The following LHFPL3 variants were observed in gnomAD, a reference collection of about 807,000 sequenced individuals.
The protein encoded by LHFPL3 is LHFPL tetraspan subfamily member 3, also known as LHFPL tetraspan subfamily member 3 protein.
In LHFPL3, 5 loss-of-function variants were observed where a neutral mutation model predicts 19.3. The observed-to-expected ratio is 0.26, with a 90% confidence interval of 0.14 to 0.54. LHFPL3 has a LOEUF of 0.54. Ranked by LOEUF, LHFPL3 falls within the 20% of genes least tolerant of loss-of-function variation. The pLI, the probability that LHFPL3 is intolerant of heterozygous loss-of-function variation, is 0.94. For missense variants in LHFPL3, 249 were observed against 307.4 expected (o/e 0.81, Z 1.42); for synonymous variants, 133 against 126.2 (o/e 1.05, Z -0.36).
chr7:104,570,228 G>A (rs1790207697), intron 1 of LHFPL3, among the ~76,000 whole-genome samples: 1 of 152,136 alleles, frequency 6.6e-6, no homozygotes, highest in African/African-American at 2.4e-5. Context: ...TCCATCTTTT[G>A]CCTGCTCTTG....
chr7:104,333,850 T>C (rs1342222327), intron 1 of LHFPL3, among the ~76,000 whole-genome samples: 1 of 152,242 alleles, frequency 6.6e-6, no homozygotes, highest in Non-Finnish European at 1.5e-5. Context: ...CTTGACTGTT[T>C]TTCTTTGTAC....
intron 2 of LHFPL3, among the ~76,000 whole-genome samples, chr7:104,830,161 C>T (rs1790922983): frequency 6.6e-6 from 1 of 151,832 alleles, no homozygotes; most frequent in African/African-American, 2.4e-5. Flanking sequence ...ATCCTTTGCC[C>T]ACTTTTTGAT....
At chr7:104,881,149 A>G (rs886494404) in intron 2 of LHFPL3, among the ~76,000 whole-genome samples, 12 of 147,908 alleles carry the variant, frequency 8.1e-5, no homozygotes, top group East Asian at 2.0e-4. Context: ...CAGCCTGGGC[A>G]ACAGAGTGAG....
intron 1 of LHFPL3, among the ~76,000 whole-genome samples, chr7:104,680,397 C>A (rs568733440): frequency 6.6e-6 from 1 of 152,282 alleles, no homozygotes; most frequent in African/African-American, 2.4e-5. Context: ...GCCCTCTAGG[C>A]TGCAGGAAAA....
At chr7:104,672,211 G>A (rs1021843638) in intron 1 of LHFPL3, among the ~76,000 whole-genome samples, 5 of 152,048 alleles carry the variant, frequency 3.3e-5, no homozygotes, top group African/African-American at 1.2e-4. Flanking sequence ...TTTCCTGGCT[G>A]CATCCCTTTT....
chr7:104,452,844 T>TA (rs1397785356), intron 1 of LHFPL3, among the ~76,000 whole-genome samples: 3 of 152,146 alleles, frequency 2.0e-5, no homozygotes, highest in Admixed American at 6.6e-5. Context: ...GTAAACAACT[T>TA]AAAAGTCCAT....
At chr7:104,430,391 TATATATATATATACATATATATATATAC>T (rs1562895044) in intron 1 of LHFPL3, among the ~76,000 whole-genome samples, 5 of 51,056 alleles carry the variant, frequency 9.8e-5, no homozygotes, top group African/African-American at 1.7e-4. Context: ...TACATATATA[TATATATATATATACATATATATATATAC>T]ATATATATAT....
At chr7:104,398,060 C>A (rs1166377127) in intron 1 of LHFPL3, among the ~76,000 whole-genome samples, 1 of 141,780 alleles carries the variant, frequency 7.1e-6, no homozygotes, top group African/African-American at 2.6e-5. Flanking sequence ...ATGCATTTAA[C>A]TTTTTTTTTT....
intron 1 of LHFPL3, among the ~76,000 whole-genome samples, chr7:104,516,279 A>G (rs1793919362): frequency 6.6e-6 from 1 of 152,078 alleles, no homozygotes; most frequent in Admixed American, 6.6e-5. Context: ...CTATCACAGG[A>G]ATAGCATGGA....
At chr7:104,540,810 G>A (rs1166673545) in intron 1 of LHFPL3, among the ~76,000 whole-genome samples, 6 of 152,070 alleles carry the variant, frequency 3.9e-5, no homozygotes, top group Non-Finnish European at 5.9e-5. Flanking sequence ...ACCTAGCCCT[G>A]TTCAATTTAA....
chr7:104,527,288 G>A (rs941825475), intron 1 of LHFPL3, among the ~76,000 whole-genome samples: 5 of 152,086 alleles, frequency 3.3e-5, no homozygotes, highest in Admixed American at 6.5e-5. Flanking sequence ...GGCAAGAGGG[G>A]ATGGTGAGAG....
chr7:104,718,731 A>G (rs547934276), intron 1 of LHFPL3, among the ~76,000 whole-genome samples: 13 of 152,238 alleles, frequency 8.5e-5, no homozygotes, highest in Non-Finnish European at 1.6e-4. Flanking sequence ...CCAAGTGCAT[A>G]CAAATTTATT....
At chr7:104,504,032 T>C (rs1439315345) in intron 1 of LHFPL3, among the ~76,000 whole-genome samples, 1 of 152,222 alleles carries the variant, frequency 6.6e-6, no homozygotes, top group Non-Finnish European at 1.5e-5. Context: ...CTAGAGAAGA[T>C]AGTAGTCAAG....
intron 2 of LHFPL3, among the ~76,000 whole-genome samples, chr7:104,789,621 C>T (rs757261445): frequency 2.0e-5 from 3 of 152,094 alleles, no homozygotes; most frequent in Non-Finnish European, 4.4e-5. Flanking sequence ...CCCCTCCCCC[C>T]AATTTTACAC....
At chr7:104,789,440 T>G (rs1415488526) in intron 2 of LHFPL3, among the ~76,000 whole-genome samples, 2 of 152,148 alleles carry the variant, frequency 1.3e-5, no homozygotes, top group Non-Finnish European at 2.9e-5. Flanking sequence ...TGGATTGGAT[T>G]TCTGGGCTTT....
At chr7:104,454,397 T>G (rs35984005) in intron 1 of LHFPL3, among the ~76,000 whole-genome samples, 34,769 of 152,002 alleles carry the variant, frequency 0.23, 4,490 homozygotes, top group African/African-American at 0.36. Flanking sequence ...TTATGAGAAA[T>G]GGGTATTATT....
At chr7:104,867,042 C>A (rs1791737951) in intron 2 of LHFPL3, among the ~76,000 whole-genome samples, 1 of 152,166 alleles carries the variant, frequency 6.6e-6, no homozygotes, top group Admixed American at 6.5e-5. Flanking sequence ...AACAAAGACA[C>A]AACATACCAG....
At chr7:104,667,668 G>A (rs967206417) in intron 1 of LHFPL3, 10 of 1,028,846 alleles carry the variant, frequency 9.7e-6, no homozygotes, top group Non-Finnish European at 1.3e-5. Flanking sequence ...AGTAACTAAA[G>A]TTAACATGCC....
At chr7:104,648,849 G>A (rs533920867) in intron 1 of LHFPL3, among the ~76,000 whole-genome samples, 3 of 152,156 alleles carry the variant, frequency 2.0e-5, no homozygotes, top group East Asian at 1.9e-4. Flanking sequence ...TCTCTTCATC[G>A]CCATGCAGTG....
Sources: allele counts gnomAD v4.1 joint callset (sites outside exome capture counted in the v4.1 genomes callset), GRCh38; gene constraint gnomAD v4.1.1; transcripts MANE v1.5; gene names NCBI Gene and HGNC (gene_info 2026-07-23, HGNC 2026-07-21).